Variants in REM1 observed in about 807,000 individuals in gnomAD.
REM1 encodes the protein GTP-binding protein REM 1.
A neutral mutation model predicts 27.0 loss-of-function variants in REM1; 20 were observed. The ratio of observed to expected loss-of-function variants is 0.74; its 90% CI spans 0.52 to 1.08. The LOEUF is 1.08. Ranked by LOEUF, REM1 falls within the 50% of genes least tolerant of loss-of-function variation. REM1 has a pLI of 0.00. For synonymous variants in REM1, 159 were observed against 167.9 expected, an observed-to-expected ratio of 0.95 and a Z score of 0.41; for missense variants, 405 against 407.0, an observed-to-expected ratio of 1.00 and a Z score of 0.04.
chr20:31,483,922 C>T (rs1274703822), intron 4 of REM1, among the ~76,000 whole-genome samples: 1 of 152,158 alleles, frequency 6.6e-6, no homozygotes, highest in Non-Finnish European at 1.5e-5. Context: ...CCAGGTAATT[C>T]CGATCCACAG....
At position 31,484,540 on chromosome 20, in the gene REM1, G is replaced by C; in HGVS notation, c.*110G>C. 5 of 1,304,346 alleles carry C rather than the reference G, an allele frequency of 3.8e-6. No individual in the cohort carries two copies. The highest frequency in any genetic ancestry group is 5.0e-6 in the Non-Finnish European group (5 of 991,184). The allele number at this position is 1,304,346 out of a possible 1,614,324, so 80.8% of individuals were successfully genotyped here. On this transcript the variant is annotated 3_prime_UTR_variant, in exon 5 of 5. Transcript: ENST00000201979. ...ACCTGGAGTCTGCATCATGGGTCTT[G>C]CTTGCCTGCTGCCCTGATGGCCTGA... is the stretch of plus-strand genomic sequence containing the variant.
chr20:31,484,263 C>A lies in REM1; in HGVS notation c.730C>A (p.Arg244Ser). The A allele has an allele frequency of 2.5e-6, 4 of 1,598,830 alleles. No individual in the cohort carries two copies. The highest frequency in any genetic ancestry group is 3.4e-6 in the Non-Finnish European group (4 of 1,173,978). ...CTTCGAGGGCGTGGTGCGCCAACTGCGCTTGCGCCGCCGGGACAGTGCGGC... is the reference window on the plus strand; with the variant it reads ...CTTCGAGGGCGTGGTGCGCCAACTGAGCTTGCGCCGCCGGGACAGTGCGGC... ...ELFEGVVRQL[R>S]LRRRDSAAKE... Residue 244 changes from arginine to serine, a missense_variant, in exon 5 of 5, where the codon CGC (arginine) becomes AGC (serine). Arg to Ser is a moderately radical substitution (Grantham distance 110). Coordinates refer to ENST00000201979, the MANE Select transcript of REM1 (RefSeq NM_014012.6).
chr20:31,482,933 A>G (rs1980784324), intron 4 of REM1, among the ~76,000 whole-genome samples: 1 of 152,198 alleles, frequency 6.6e-6, no homozygotes, highest in African/African-American at 2.4e-5. Flanking sequence ...CAGGAGTTTG[A>G]GACCAGCTTT....
chr20:31,484,131 C>T (rs746488989), intron 4 of REM1, 28 bp from the exon 5 acceptor site: 90 of 1,545,556 alleles, frequency 5.8e-5, no homozygotes, highest in Non-Finnish European at 6.4e-5. Context: ...ATGGCTCCAC[C>T]CCTCCTCGCC....
intron 2 of REM1, among the ~76,000 whole-genome samples, chr20:31,477,394 G>A (rs1600575288): frequency 6.6e-6 from 1 of 152,114 alleles, no homozygotes; most frequent in East Asian, 1.9e-4. Flanking sequence ...GGGGAAGGGG[G>A]TTGATTAAAT....
chr20:31,477,760 G>A (rs779061857), intron 2 of REM1, 68 bp from the exon 3 acceptor site: 7 of 1,175,040 alleles, frequency 6.0e-6, no homozygotes, highest in Admixed American at 1.9e-5. Context: ...GAAATGGGGG[G>A]CAGGGAACAC....
chr20:31,484,747 G>C lies in REM1; in HGVS notation c.*317G>C, dbSNP rs1980870483. On this transcript the variant is annotated 3_prime_UTR_variant, in exon 5 of 5. Transcript: ENST00000201979. ...GAAACCCTCACAATAAACCAGACCA[G>C]AAGGATGTCCCATCTGAATGCCCAG... 5.8e-6 allele frequency: 2 copies of C among 344,146 alleles called. No homozygotes were observed. Among genetic ancestry groups the C allele is most frequent in the Non-Finnish European group, 1.0e-5 (2 of 190,598 alleles). 21.3% of individuals were successfully genotyped at this position (344,146 alleles called of 1,614,324 possible).
At chr20:31,481,418 C>A (rs1568763440) in intron 3 of REM1, among the ~76,000 whole-genome samples, 1 of 152,064 alleles carries the variant, frequency 6.6e-6, no homozygotes, top group Non-Finnish European at 1.5e-5. Context: ...CCTTCCTAAC[C>A]CCATTCGCCA....
intron 3 of REM1, among the ~76,000 whole-genome samples, chr20:31,480,248 CACATACAT>C (rs3068541): frequency 1.0e-3 from 130 of 127,440 alleles, no homozygotes; most frequent in South Asian, 1.3e-3. Flanking sequence ...CATACATACA[CACATACAT>C]ACATACATAC....
chr20:31,484,101 C>G (rs1362513892), intron 4 of REM1, 58 bp from the exon 5 acceptor site: 1 of 1,495,156 alleles, frequency 6.7e-7, no homozygotes, highest in African/African-American at 1.4e-5. Context: ...CTCTTCCTAC[C>G]TTTTTCTCCG....
intron 2 of REM1, 53 bp from the exon 3 acceptor site, chr20:31,477,775 C>G: frequency 7.2e-7 from 1 of 1,383,006 alleles, no homozygotes; most frequent in Non-Finnish European, 1.0e-6. Context: ...GAACACCACA[C>G]TCTCTCAGGC....
At position 31,484,224 on chromosome 20, in the gene REM1, A is replaced by G. The variant is rs1167126980; in HGVS notation, c.691A>G (p.Asn231Asp). 1 of 1,609,434 alleles carries G rather than the reference A, an allele frequency of 6.2e-7. No homozygotes were observed. Among genetic ancestry groups the G allele is most frequent in the Non-Finnish European group, 8.5e-7 (1 of 1,178,766 alleles). ...FIETSATLQH[N>D]VAELFEGVVR... ...CGAGACATCCGCCACGCTGCAGCAC[A>G]ATGTGGCCGAGCTCTTCGAGGGCGT... Residue 231 changes from asparagine (N) to aspartate (D), a missense_variant, in exon 5 of 5, where the codon AAT (asparagine) becomes GAT (aspartate). Transcript: ENST00000201979.
At chr20:31,477,263 T>C (rs947196018) in intron 2 of REM1, among the ~76,000 whole-genome samples, 14 of 151,982 alleles carry the variant, frequency 9.2e-5, no homozygotes, top group African/African-American at 3.1e-4. Context: ...TGGGTTGCTT[T>C]ATTCCCAAGA....
intron 3 of REM1, among the ~76,000 whole-genome samples, chr20:31,480,385 G>A (rs757265087): frequency 6.6e-6 from 1 of 151,806 alleles, no homozygotes; most frequent in African/African-American, 2.4e-5. Context: ...GTGCAGTGTC[G>A]TGATCTCAGC....
Position 31,475,360 on chromosome 20 carries a change from C to G in REM1, c.-226C>G, listed in dbSNP as rs1373629959. ...TGCGAGGGACCCTGGACCCCTCCCACGCCGAGGTAAAGCCCTGCGCTACGC... is the reference window on the plus strand; with the variant it reads ...TGCGAGGGACCCTGGACCCCTCCCAGGCCGAGGTAAAGCCCTGCGCTACGC... On this transcript the variant is annotated 5_prime_UTR_variant, in exon 1 of 5. Transcript: ENST00000201979. This position sits in a 1 kb window ranked among gnomAD's most constrained non-coding sequence, Gnocchi z 5.0. 6.6e-6 allele frequency: 1 copy of G among 152,448 alleles called. No individual in the cohort carries two copies. Among genetic ancestry groups the G allele is most frequent in the Non-Finnish European group, 1.5e-5 (1 of 68,222 alleles). 9.4% of individuals were successfully genotyped at this position (152,448 alleles called of 1,614,324 possible).
At chr20:31,480,136 A>G (rs2122475493) in intron 3 of REM1, among the ~76,000 whole-genome samples, 1 of 151,970 alleles carries the variant, frequency 6.6e-6, no homozygotes, top group East Asian at 1.9e-4. Context: ...ATCAGGCCTC[A>G]CCCTGGCCCT....
In REM1 at chr20:31,478,915, A is replaced by C. The variant is rs372187870; in HGVS notation, c.423+1005A>C. ...AGTGGCGCCATCTCGGCTCACTGCA[A>C]CCTCCGCCTCCCAGGTTCAAGCAAT... On this transcript the variant is annotated intron_variant, in intron 3 of 4. Coordinates refer to ENST00000201979, the MANE Select transcript of REM1 (RefSeq NM_014012.6). Among the ~76,000 whole-genome samples the C allele has an allele frequency of 4.0e-5, 6 of 151,326 alleles. No individual in the cohort carries two copies. The East Asian group carries it at 1.2e-3, about 30-fold the overall frequency.
chr20:31,476,351 CTA>C lies in REM1; in HGVS notation c.-92_-91del, dbSNP rs1173484295. 1.0e-6 allele frequency: 1 copy of C among 1,002,722 alleles called. No individual in the cohort carries two copies. The highest frequency in any genetic ancestry group is 2.4e-5 in the East Asian group (1 of 41,696). The allele number at this position is 1,002,722 out of a possible 1,614,324, so 62.1% of individuals were successfully genotyped here. On this transcript the variant is annotated 5_prime_UTR_variant, in exon 2 of 5. It removes the in-frame stop codon of an upstream open reading frame in the 5' UTR. Transcript: ENST00000201979. ...AGCCATACAGCAGCTCATCAGGACA[CTA>C]TAGAAAGAAGCAGCTCAAAGCAATT...
intron 4 of REM1, 64 bp from the exon 5 acceptor site, chr20:31,484,095 T>C (rs1001802990): frequency 1.6e-4 from 238 of 1,480,968 alleles, no homozygotes; most frequent in Non-Finnish European, 2.0e-4. Context: ...ACACATCTCT[T>C]CCTACCTTTT....
Sources: gnomAD v4.1 joint callset for allele counts (sites outside exome capture counted in the v4.1 genomes callset) on GRCh38, gnomAD v4.1.1 for gene constraint, Gnocchi (gnomAD v3.1) non-coding constraint, MANE v1.5 for transcripts, NCBI Gene and HGNC (gene_info 2026-07-23, HGNC 2026-07-21) for gene names.